GREB1L: variants seen among roughly 807,000 people sequenced by gnomAD.
GREB1L encodes the protein GREB1 like retinoic acid receptor coactivator.
In GREB1L, 17 loss-of-function variants were observed where a neutral mutation model predicts 200.8. The ratio of observed to expected loss-of-function variants is 0.08; its 90% CI spans 0.06 to 0.13. GREB1L has a LOEUF of 0.13. GREB1L is among the 10% of genes least tolerant of loss of function. The pLI, the probability that GREB1L is intolerant of heterozygous loss-of-function variation, is 1.00. For synonymous variants in GREB1L, 789 were observed against 893.0 expected (o/e 0.88, Z 2.08); for missense variants, 1,657 against 2,367.7 (o/e 0.70, Z 6.23).
chr18:21,267,807 T>G (rs2037996376), intron 1 of GREB1L, among the ~76,000 whole-genome samples: 1 of 150,652 alleles, frequency 6.6e-6, no homozygotes, highest in Admixed American at 6.6e-5. Context: ...CCCCAAGCTT[T>G]TTTTTTTTTT....
chr18:21,440,519 C>A, intron 9 of GREB1L, 131 bp downstream of exon 9: 2 of 912,956 alleles, frequency 2.2e-6, no homozygotes, highest in South Asian at 1.7e-5. Context: ...TGTTTTGTCC[C>A]GATCACATTT....
chr18:21,327,700 T>C (rs1258286842), intron 1 of GREB1L, among the ~76,000 whole-genome samples: 3 of 151,428 alleles, frequency 2.0e-5, no homozygotes, highest in Non-Finnish European at 2.9e-5. Context: ...TCTTTTTTTT[T>C]CTTTTTTTTG....
chr18:21,248,439 A>G (rs538092607), intron 1 of GREB1L, among the ~76,000 whole-genome samples: 3 of 152,378 alleles, frequency 2.0e-5, no homozygotes, highest in Admixed American at 6.5e-5. Context: ...CCTGAGTTAA[A>G]TAATATGGGT....
At chr18:21,407,951 T>C (rs1348976102) in intron 7 of GREB1L, among the ~76,000 whole-genome samples, 1 of 152,182 alleles carries the variant, frequency 6.6e-6, no homozygotes, top group Non-Finnish European at 1.5e-5. Context: ...GAATGATGGT[T>C]ACCAGAGGCT....
At chr18:21,517,898 CA>C in intron 30 of GREB1L, 135 bp from the exon 31 acceptor site, 1 of 662,726 alleles carries the variant, frequency 1.5e-6, no homozygotes, top group East Asian at 2.7e-5. Flanking sequence ...CCTTTACTAA[CA>C]TACATTTGAA....
At chr18:21,395,092 C>T (rs571656715) in intron 4 of GREB1L, among the ~76,000 whole-genome samples, 1 of 118,044 alleles carries the variant, frequency 8.5e-6, no homozygotes, top group East Asian at 2.4e-4. Context: ...GGCGACAGGG[C>T]GAGACTCCAT....
chr18:21,263,213 A>G (rs2037916556), intron 1 of GREB1L, among the ~76,000 whole-genome samples: 1 of 152,180 alleles, frequency 6.6e-6, no homozygotes, highest in Non-Finnish European at 1.5e-5. Flanking sequence ...TGTTCCTTGA[A>G]AAGATAAGAA....
At position 21,257,362 on chromosome 18, in the gene GREB1L, T is replaced by TC. The variant is rs969100895; in HGVS notation, c.-120+14976dup. On this transcript the variant is annotated intron_variant, in intron 1 of 32. Transcript: ENST00000424526. Reference sequence around the variant, plus strand: ...AATTAGAACATGTAAAAATAACCTTTCCCCCCCTTGTTCATTTTAATGGAG... The same window carrying TC: ...AATTAGAACATGTAAAAATAACCTTTCCCCCCCCTTGTTCATTTTAATGGAG... Among the ~76,000 whole-genome samples, 5 of 152,132 alleles carry TC rather than the reference T, an allele frequency of 3.3e-5. 1 individual carries two copies. The highest frequency in any genetic ancestry group is 2.1e-4 in the South Asian group (1 of 4,810).
intron 32 of GREB1L, among the ~76,000 whole-genome samples, chr18:21,521,503 G>A (rs1007496221): frequency 1.8e-4 from 27 of 152,160 alleles, no homozygotes; most frequent in Admixed American, 1.6e-3. Context: ...AGAACAGGGA[G>A]AGGGGTTGTG....
chr18:21,305,526 G>C (rs2038685534), intron 1 of GREB1L, among the ~76,000 whole-genome samples: 2 of 152,096 alleles, frequency 1.3e-5, no homozygotes, highest in African/African-American at 4.8e-5. Flanking sequence ...TGGGTTCCCA[G>C]CCTGTACGCT....
At chr18:21,426,743 G>C (rs1361930134) in intron 7 of GREB1L, among the ~76,000 whole-genome samples, 1 of 151,920 alleles carries the variant, frequency 6.6e-6, no homozygotes, top group Non-Finnish European at 1.5e-5. Flanking sequence ...CGGATCACGA[G>C]GTCAGGAGAT....
intron 15 of GREB1L, among the ~76,000 whole-genome samples, chr18:21,457,007 T>C (rs1243696485): frequency 6.6e-6 from 1 of 152,212 alleles, no homozygotes; most frequent in African/African-American, 2.4e-5. Flanking sequence ...CAAATTGTGC[T>C]TGAGCAAACA....
At chr18:21,328,406 A>G (rs2039057024) in intron 1 of GREB1L, among the ~76,000 whole-genome samples, 1 of 152,224 alleles carries the variant, frequency 6.6e-6, no homozygotes, top group Non-Finnish European at 1.5e-5. Flanking sequence ...GTGCCAAGAC[A>G]ACCAGGAAAC....
chr18:21,251,789 A>G (rs2037708812), intron 1 of GREB1L, among the ~76,000 whole-genome samples: 1 of 152,164 alleles, frequency 6.6e-6, no homozygotes, highest in Non-Finnish European at 1.5e-5. Context: ...TACTAAAAAT[A>G]CAAAGATTAG....
At chr18:21,484,474 T>G (rs1209596052) in intron 17 of GREB1L, among the ~76,000 whole-genome samples, 1 of 152,156 alleles carries the variant, frequency 6.6e-6, no homozygotes, top group Non-Finnish European at 1.5e-5. Flanking sequence ...CTGCCTTATT[T>G]CCTTTATGAG....
chr18:21,377,384 T>A (rs1462327316), intron 2 of GREB1L, among the ~76,000 whole-genome samples: 7 of 152,224 alleles, frequency 4.6e-5, no homozygotes, highest in Non-Finnish European at 1.0e-4. Context: ...GGGACAGTAC[T>A]CCTTAACCTG....
chr18:21,410,376 G>A (rs1334500365), intron 7 of GREB1L, among the ~76,000 whole-genome samples: 1 of 151,890 alleles, frequency 6.6e-6, no homozygotes, highest in Non-Finnish European at 1.5e-5. Flanking sequence ...ATATATAAAG[G>A]CCAGCACGGT....
intron 7 of GREB1L, among the ~76,000 whole-genome samples, chr18:21,429,364 A>G (rs2032966340): frequency 7.4e-6 from 1 of 134,548 alleles, no homozygotes; most frequent in African/African-American, 2.9e-5. Flanking sequence ...TCTTTTTGAG[A>G]CAGGGTCTTG....
In GREB1L at chr18:21,515,450, T is replaced by C. The variant is rs753635748; in HGVS notation, c.4935T>C (p.Asn1645=). ...TGGAAGTAGGAGTTTCCAGTAAGAATGTGTCCTTGAAGACTGTCTTGCAGC... is the reference window on the plus strand; with the variant it reads ...TGGAAGTAGGAGTTTCCAGTAAGAACGTGTCCTTGAAGACTGTCTTGCAGC... The part of the protein sequence containing the change: ...QPMEVGVSSK[N]VSLKTVLQHI... The change falls in exon 29 of 33, where the codon AAT becomes AAC. Residue 1645 remains asparagine (N), a synonymous_variant. Coordinates refer to ENST00000424526, the MANE Select transcript of GREB1L (RefSeq NM_001142966.3). 8 of 1,551,510 alleles carry C rather than the reference T, an allele frequency of 5.2e-6. No homozygotes were observed. The highest frequency in any genetic ancestry group is 1.2e-5 in the South Asian group (1 of 84,060).
Sources: gnomAD v4.1 joint callset for allele counts (sites outside exome capture counted in the v4.1 genomes callset) on GRCh38, gnomAD v4.1.1 for gene constraint, MANE v1.5 for transcripts, NCBI Gene and HGNC (gene_info 2026-07-23, HGNC 2026-07-21) for gene names.